ZFAND4: variants seen among roughly 807,000 people sequenced by gnomAD.
The protein encoded by ZFAND4 is AN1-type zinc finger protein 4.
In ZFAND4, 43 loss-of-function variants were observed where a neutral mutation model predicts 64.4. The observed-to-expected ratio is 0.67, with a 90% CI of 0.52 to 0.86. ZFAND4 has a LOEUF of 0.86. Ranked by LOEUF, ZFAND4 falls within the 40% of genes least tolerant of loss-of-function variation. ZFAND4 has a pLI of 0.00. For synonymous variants in ZFAND4, 296 were observed against 305.7 expected (o/e 0.97, Z 0.33); for missense variants, 929 against 859.8 (o/e 1.08, Z -1.01).
intron 5 of ZFAND4, among the ~76,000 whole-genome samples, chr10:45,642,198 T>C (rs1235408788): frequency 6.6e-6 from 1 of 152,186 alleles, no homozygotes; most frequent in African/African-American, 2.4e-5. Flanking sequence ...TTTAAGTATC[T>C]TTACTGAATA....
At chr10:45,631,688 G>C (rs2046234681) in intron 6 of ZFAND4, among the ~76,000 whole-genome samples, 1 of 152,024 alleles carries the variant, frequency 6.6e-6, no homozygotes, top group Non-Finnish European at 1.5e-5. Flanking sequence ...ATCCAGGCAA[G>C]CCATCATGTA....
chr10:45,645,321 G>A (rs1206391923), intron 5 of ZFAND4, among the ~76,000 whole-genome samples: 1 of 152,106 alleles, frequency 6.6e-6, no homozygotes, highest in Non-Finnish European at 1.5e-5. Context: ...TCATCAGCAG[G>A]TATTTCATGG....
In ZFAND4 at chr10:45,648,355, A is replaced by C; in HGVS notation, c.508T>G (p.Ser170Ala). The change falls in exon 5 of 10, where the codon TCT becomes GCT. Residue 170 changes from serine (S) to alanine (A), a missense_variant. By Grantham distance (99) the Ser-to-Ala change is moderately conservative. Coordinates refer to ENST00000344646, the MANE Select transcript of ZFAND4 (RefSeq NM_174890.4). ...AAATGAAAATCTATTTTCTTTGAAG[A>C]GTCAGATAACGGTGTTAAAGTGCCA... ...GDGTLTPLSD[S>A]SKKIDFHLHV... 6.2e-7 allele frequency: 1 copy of C among 1,613,854 alleles called. No individual in the cohort carries two copies. The highest frequency in any genetic ancestry group is 8.5e-7 in the Non-Finnish European group (1 of 1,179,888).
intron 2 of ZFAND4, among the ~76,000 whole-genome samples, chr10:45,662,938 A>G (rs2048571651): frequency 1.3e-5 from 2 of 152,230 alleles, no homozygotes; most frequent in Non-Finnish European, 2.9e-5. Flanking sequence ...TACTTATTGC[A>G]GAAATCTGCA....
chr10:45,671,870 G>T (rs1037473443), intron 1 of ZFAND4, among the ~76,000 whole-genome samples: 4 of 150,810 alleles, frequency 2.7e-5, no homozygotes, highest in Admixed American at 2.0e-4. Flanking sequence ...CATTTCTTCT[G>T]AAAAGTTTCT....
At chr10:45,671,132 A>G (rs2133893475) in intron 1 of ZFAND4, among the ~76,000 whole-genome samples, 1 of 152,380 alleles carries the variant, frequency 6.6e-6, no homozygotes, top group Middle Eastern at 3.4e-3. Context: ...ACAGTGAGAT[A>G]CCATCTCACA....
At chr10:45,670,237 T>A (rs1158338928) in intron 1 of ZFAND4, among the ~76,000 whole-genome samples, 1 of 151,938 alleles carries the variant, frequency 6.6e-6, no homozygotes, top group Non-Finnish European at 1.5e-5. Flanking sequence ...TTTTTTTTTT[T>A]TTTTTTGAGA....
chr10:45,644,543 G>A (rs983099582), intron 5 of ZFAND4, among the ~76,000 whole-genome samples: 23 of 152,118 alleles, frequency 1.5e-4, no homozygotes, highest in African/African-American at 5.6e-4. Flanking sequence ...AGCCAAGCAA[G>A]GAAAGCTACT....
intron 2 of ZFAND4, 60 bp from the exon 3 acceptor site, chr10:45,653,119 A>T: frequency 8.0e-7 from 1 of 1,255,582 alleles, no homozygotes; most frequent in Non-Finnish European, 1.1e-6. Context: ...CCAAAAGAGT[A>T]TGATACAAAT....
rs769425442 is a variant in ZFAND4, at chr10:45,626,093, G to C, written c.1730C>G (p.Thr577Arg). 1.2e-6 allele frequency: 2 copies of C among 1,614,036 alleles called. No homozygotes were observed. The highest frequency in any genetic ancestry group is 1.7e-6 in the Non-Finnish European group (2 of 1,180,036). Reference protein sequence around the residue: ...ISFLASLAGSTSRNRLQSTRG... With the variant: ...ISFLASLAGSRSRNRLQSTRG... Reference sequence around the variant, plus strand: ...TGTGCTCTGTAATCTATTTCTGCTTGTGCTCCCGGCCAGTGAGGCAAGAAA... The same window carrying C: ...TGTGCTCTGTAATCTATTTCTGCTTCTGCTCCCGGCCAGTGAGGCAAGAAA... Residue 577 changes from threonine (T) to arginine (R), a missense_variant, in exon 7 of 10, where the codon ACA becomes AGA. Transcript: ENST00000344646.
intron 5 of ZFAND4, chr10:45,640,360 A>G: frequency 7.8e-7 from 1 of 1,274,104 alleles, no homozygotes; most frequent in Non-Finnish European, 1.0e-6. Flanking sequence ...ATGAATCAGA[A>G]TTTTTTTAAA....
In ZFAND4 at chr10:45,626,577, A is replaced by T; in HGVS notation, c.1246T>A (p.Leu416Ile). 2 of 1,614,172 alleles carry T rather than the reference A, an allele frequency of 1.2e-6. No homozygotes were observed. The highest frequency in any genetic ancestry group is 1.7e-6 in the Non-Finnish European group (2 of 1,180,042). The change falls in exon 7 of 10, where the codon TTA (leucine) becomes ATA (isoleucine). Residue 416 changes from leucine to isoleucine, a missense_variant. Transcript: ENST00000344646. ...EGNADEQSSG[L>I]EGACKVNLEL... ...AGATTCACTTTGCACGCACCTTCTA[A>T]GCCGCTGCTCTGTTCATCAGCATTT...
chr10:45,654,205 C>T (rs1033092817), intron 2 of ZFAND4, among the ~76,000 whole-genome samples: 16 of 152,164 alleles, frequency 1.1e-4, no homozygotes, highest in Non-Finnish European at 1.8e-4. Context: ...AACTACCTAT[C>T]GAGTACTATG....
At chr10:45,638,823 A>G (rs2046798079) in intron 6 of ZFAND4, among the ~76,000 whole-genome samples, 1 of 152,244 alleles carries the variant, frequency 6.6e-6, no homozygotes, top group African/African-American at 2.4e-5. Flanking sequence ...TCAAACAAAT[A>G]CTTTTAACAA....
chr10:45,667,873 A>C (rs2048933165), intron 1 of ZFAND4, among the ~76,000 whole-genome samples: 1 of 152,240 alleles, frequency 6.6e-6, no homozygotes, highest in Non-Finnish European at 1.5e-5. Context: ...TTGTAGAAGG[A>C]AACCATTGAG....
chr10:45,664,326 T>C lies in ZFAND4; in HGVS notation c.-117-484A>G, dbSNP rs2048666838. On this transcript the variant is annotated intron_variant, in intron 1 of 9. Transcript: ENST00000344646. ...GCTCTGTCGCCAGGCTGGAGTGCAGTGGCACAATCTCGGCTCACTGCAACC... is the reference window on the plus strand; with the variant it reads ...GCTCTGTCGCCAGGCTGGAGTGCAGCGGCACAATCTCGGCTCACTGCAACC... Among the ~76,000 whole-genome samples, 5 of 151,530 alleles carry C rather than the reference T, an allele frequency of 3.3e-5. No homozygotes were observed. In the South Asian group the frequency reaches 1.0e-3, roughly 32 times the overall value.
intron 5 of ZFAND4, among the ~76,000 whole-genome samples, chr10:45,640,858 C>A (rs4949013): frequency 0.7 from 107,167 of 152,090 alleles, 37,989 homozygotes; most frequent in East Asian, 0.84. Flanking sequence ...AAAACCTAGA[C>A]TAGCATAGAT....
intron 6 of ZFAND4, among the ~76,000 whole-genome samples, chr10:45,635,641 T>C (rs1447228539): frequency 1.3e-5 from 2 of 152,144 alleles, no homozygotes; most frequent in Non-Finnish European, 2.9e-5. Flanking sequence ...TTATTCACAA[T>C]AGCCAAAAGA....
At chr10:45,638,976 A>C (rs899148367) in intron 6 of ZFAND4, among the ~76,000 whole-genome samples, 2 of 152,192 alleles carry the variant, frequency 1.3e-5, no homozygotes, top group Non-Finnish European at 1.5e-5. Flanking sequence ...TATTATGAGG[A>C]AACATTCTGG....
Sources: allele counts gnomAD v4.1 joint callset (sites outside exome capture counted in the v4.1 genomes callset), GRCh38; gene constraint gnomAD v4.1.1; transcripts MANE v1.5; gene names NCBI Gene and HGNC (gene_info 2026-07-23, HGNC 2026-07-21).